PRKG1: variants seen among roughly 807,000 people sequenced by gnomAD.
PRKG1 encodes cGMP-dependent protein kinase 1.
PRKG1 carries 35 observed loss-of-function variants against 88.1 expected under a neutral mutation model. That is an observed-to-expected ratio of 0.40 (90% confidence interval 0.30 to 0.53). The LOEUF is 0.53. PRKG1 is among the 20% of genes least tolerant of loss of function. PRKG1 has a pLI of 0.59. For missense variants in PRKG1, 540 were observed against 839.8 expected (o/e 0.64, Z 4.41); for synonymous variants, 303 against 292.5 (o/e 1.04, Z -0.37).
At chr10:51,807,496 C>G (rs1009539331) in intron 4 of PRKG1, among the ~76,000 whole-genome samples, 1 of 152,148 alleles carries the variant, frequency 6.6e-6, no homozygotes, top group Non-Finnish European at 1.5e-5. Flanking sequence ...GACACAGGAG[C>G]CTTTCTGAAT....
chr10:51,764,549 G>A (rs1838106373), intron 3 of PRKG1, among the ~76,000 whole-genome samples: 1 of 152,100 alleles, frequency 6.6e-6, no homozygotes, highest in Non-Finnish European at 1.5e-5. Flanking sequence ...CTATGCAAAG[G>A]ATGTAGTATG....
intron 3 of PRKG1, among the ~76,000 whole-genome samples, chr10:51,540,707 T>C (rs890685452): frequency 2.2e-4 from 34 of 151,984 alleles, no homozygotes; most frequent in Admixed American, 1.3e-4. Context: ...TCCAGTATAG[T>C]AGTTTTTTTG....
At chr10:51,585,126 A>G (rs1838140390) in intron 3 of PRKG1, among the ~76,000 whole-genome samples, 1 of 149,496 alleles carries the variant, frequency 6.7e-6, no homozygotes, top group Non-Finnish European at 1.5e-5. Context: ...GTAGATAAAC[A>G]TAATGAATTA....
At chr10:51,475,974 C>T (rs985201840) in intron 3 of PRKG1, among the ~76,000 whole-genome samples, 1 of 151,986 alleles carries the variant, frequency 6.6e-6, no homozygotes, top group Non-Finnish European at 1.5e-5. Flanking sequence ...ATAATGTCTT[C>T]ATACATTACA....
chr10:51,582,600 C>T (rs66628650), intron 3 of PRKG1, among the ~76,000 whole-genome samples: 76,710 of 151,938 alleles, frequency 0.5, 20,043 homozygotes, highest in Non-Finnish European at 0.57. Context: ...CAGTGGCTTC[C>T]AGCTTCATCC....
At chr10:51,576,548 G>C (rs1429732437) in intron 3 of PRKG1, among the ~76,000 whole-genome samples, 1 of 151,856 alleles carries the variant, frequency 6.6e-6, no homozygotes, top group African/African-American at 2.4e-5. Flanking sequence ...ATACACTGAT[G>C]ATTTGTTTCC....
Position 51,523,929 on chromosome 10 carries a change from C to T in PRKG1, c.592+56093C>T, listed in dbSNP as rs189443883. Among the ~76,000 whole-genome samples the T allele has an allele frequency of 6.4e-3, 971 of 152,198 alleles. 6 individuals are homozygous for T. Among genetic ancestry groups the T allele is most frequent in the Non-Finnish European group, 8.0e-3 (546 of 68,002 alleles). Reference sequence around the variant, plus strand: ...CAAATTTCGTAACCAAGTATAATCCCCAAAGCTGGAGATGGGGCCTGGCGG... The same window carrying T: ...CAAATTTCGTAACCAAGTATAATCCTCAAAGCTGGAGATGGGGCCTGGCGG... On this transcript the variant is annotated intron_variant, in intron 3 of 17. Coordinates refer to ENST00000373980, the MANE Select transcript of PRKG1 (RefSeq NM_006258.4).
At chr10:52,064,772 G>T (rs760313242) in intron 7 of PRKG1, among the ~76,000 whole-genome samples, 3 of 152,118 alleles carry the variant, frequency 2.0e-5, no homozygotes, top group African/African-American at 7.2e-5. Flanking sequence ...TCCTGTCCCC[G>T]GCTCCTGCTG....
At chr10:52,020,375 T>A (rs1205362655) in intron 5 of PRKG1, among the ~76,000 whole-genome samples, 2 of 152,132 alleles carry the variant, frequency 1.3e-5, no homozygotes, top group Admixed American at 6.6e-5. Flanking sequence ...ATTTTACCAG[T>A]GGAAGGTATC....
intron 4 of PRKG1, among the ~76,000 whole-genome samples, chr10:51,891,703 G>T (rs1173174466): frequency 6.6e-6 from 1 of 152,160 alleles, no homozygotes; most frequent in Non-Finnish European, 1.5e-5. Context: ...CAGGTCATAT[G>T]GTCTTTGTCG....
chr10:51,409,351 AACTT>A (rs1429101092), intron 2 of PRKG1, among the ~76,000 whole-genome samples: 1 of 152,132 alleles, frequency 6.6e-6, no homozygotes, highest in African/African-American at 2.4e-5. Context: ...TTCTTCATGT[AACTT>A]ACTTCTGCCT....
At chr10:51,128,387 A>C (rs555281529) in intron 1 of PRKG1, among the ~76,000 whole-genome samples, 1 of 152,184 alleles carries the variant, frequency 6.6e-6, no homozygotes, top group African/African-American at 2.4e-5. Flanking sequence ...CATTATTTTT[A>C]TCAGTATTTT....
rs567830696 is a variant in PRKG1, at chr10:51,854,564, T to C, written c.698+49874T>C. On this transcript the variant is annotated intron_variant, in intron 4 of 17. Transcript: ENST00000373980. The stretch of plus-strand genomic sequence containing the variant: ...ATAAAAATCACAAGGCAGATCTCTA[T>C]GTACTAAAATGAAAAGACAACCTCG... Among the ~76,000 whole-genome samples the C allele has an allele frequency of 7.2e-5, 11 of 152,228 alleles. No individual in the cohort carries two copies. The East Asian group carries it at 2.1e-3, about 29-fold the overall frequency.
chr10:51,429,771 A>G (rs1838703779), intron 2 of PRKG1, among the ~76,000 whole-genome samples: 1 of 151,886 alleles, frequency 6.6e-6, no homozygotes, highest in African/African-American at 2.4e-5. Flanking sequence ...TCTATCCTGA[A>G]AAACAGAAGA....
chr10:51,504,609 A>T lies in PRKG1; in HGVS notation c.592+36773A>T, dbSNP rs1231285798. On this transcript the variant is annotated intron_variant, in intron 3 of 17. Transcript: ENST00000373980. The stretch of plus-strand genomic sequence containing the variant: ...TGATTCTTCCTATCCATGAGCATGG[A>T]ATGTTCTTCCATTTGTTTGTATCCT... Among the ~76,000 whole-genome samples the T allele has an allele frequency of 2.0e-5, 3 of 152,112 alleles. No homozygotes were observed. The East Asian group carries it at 5.8e-4, about 29-fold the overall frequency.
At chr10:52,291,831 G>A (rs1182469930) in intron 17 of PRKG1, among the ~76,000 whole-genome samples, 1 of 151,848 alleles carries the variant, frequency 6.6e-6, no homozygotes, top group Non-Finnish European at 1.5e-5. Context: ...TCGCCACACT[G>A]ACTTCCACAA....
chr10:52,117,909 A>C (rs1268061726), intron 7 of PRKG1, among the ~76,000 whole-genome samples: 1 of 151,858 alleles, frequency 6.6e-6, no homozygotes, highest in African/African-American at 2.4e-5. Context: ...GGGGTTTTTT[A>C]GTTATTTTCA....
At chr10:51,688,885 G>C (rs546001978) in intron 3 of PRKG1, among the ~76,000 whole-genome samples, 32 of 152,230 alleles carry the variant, frequency 2.1e-4, no homozygotes, top group African/African-American at 7.7e-4. Context: ...TCATCTTGTA[G>C]CTCCCATAAT....
At chr10:51,501,742 A>G (rs1841029497) in intron 3 of PRKG1, among the ~76,000 whole-genome samples, 1 of 151,498 alleles carries the variant, frequency 6.6e-6, no homozygotes, top group Non-Finnish European at 1.5e-5. Flanking sequence ...TCAAGAGGGC[A>G]GAACAGAGTA....
Sources: gnomAD v4.1 joint callset for allele counts (sites outside exome capture counted in the v4.1 genomes callset) on GRCh38, gnomAD v4.1.1 for gene constraint, MANE v1.5 for transcripts, NCBI Gene and HGNC (gene_info 2026-07-23, HGNC 2026-07-21) for gene names.